Variants in ASTN2 observed in about 807,000 individuals in gnomAD.
ASTN2 encodes the protein astrotactin 2.
In ASTN2, 54 loss-of-function variants were observed where a neutral mutation model predicts 139.8. That is an observed-to-expected ratio of 0.39 (90% CI 0.31 to 0.48). ASTN2 has a LOEUF of 0.48. Ranked by LOEUF, ASTN2 falls within the 20% of genes least tolerant of loss-of-function variation. The pLI, the probability that ASTN2 is intolerant of heterozygous loss-of-function variation, is 0.95. For synonymous variants in ASTN2, 756 were observed against 719.5 expected, an observed-to-expected ratio of 1.05 and a Z score of -0.81; for missense variants, 1,565 against 1,725.1, an observed-to-expected ratio of 0.91 and a Z score of 1.64.
chr9:116,918,185 T>G (rs759822698), intron 10 of ASTN2, among the ~76,000 whole-genome samples: 1 of 152,202 alleles, frequency 6.6e-6, no homozygotes, highest in East Asian at 1.9e-4. Context: ...CTTGTGTATG[T>G]CTTTATCAGT....
chr9:117,107,533 T>C (rs1829137813), intron 4 of ASTN2, among the ~76,000 whole-genome samples: 1 of 152,204 alleles, frequency 6.6e-6, no homozygotes, highest in Non-Finnish European at 1.5e-5. Context: ...ATATTTCAAA[T>C]TCATTCTGCC....
chr9:117,320,473 C>T (rs1420191027), intron 1 of ASTN2, among the ~76,000 whole-genome samples: 1 of 152,108 alleles, frequency 6.6e-6, no homozygotes, highest in Non-Finnish European at 1.5e-5. Context: ...TGCTTAGAAT[C>T]ATACTGAGGG....
At chr9:116,609,832 G>A (rs1353820092) in intron 19 of ASTN2, among the ~76,000 whole-genome samples, 1 of 152,024 alleles carries the variant, frequency 6.6e-6, no homozygotes, top group Non-Finnish European at 1.5e-5. Context: ...AAGAGAGGAA[G>A]AACAGTATAC....
chr9:116,912,753 G>A (rs2132423074), intron 10 of ASTN2, among the ~76,000 whole-genome samples: 1 of 152,252 alleles, frequency 6.6e-6, no homozygotes, highest in South Asian at 2.1e-4. Context: ...AGGCAGGGAT[G>A]TCAATTCATC....
At chr9:117,084,011 G>A (rs1828497144) in intron 5 of ASTN2, among the ~76,000 whole-genome samples, 1 of 146,276 alleles carries the variant, frequency 6.8e-6, no homozygotes, top group African/African-American at 2.5e-5. Context: ...GGTTTGGGTA[G>A]AAGTAGTCCA....
At chr9:116,611,642 T>A (rs1453025973) in intron 19 of ASTN2, 1 of 152,094 alleles carries the variant, frequency 6.6e-6, no homozygotes, top group African/African-American at 2.4e-5. Context: ...CCAATAAATT[T>A]GATAATTTAC....
At position 116,484,551 on chromosome 9, in the gene ASTN2, C is replaced by T. The variant is rs968373613; in HGVS notation, c.3497+2808G>A. 3.9e-5 allele frequency among the ~76,000 whole-genome samples: 6 copies of T among 152,276 alleles called. No homozygotes were observed. In the East Asian group the frequency reaches 9.7e-4, roughly 25 times the overall value. On this transcript the variant is annotated intron_variant, in intron 20 of 22. Coordinates refer to ENST00000313400, the MANE Select transcript of ASTN2 (RefSeq NM_001365068.1). ...AACTGACACTGGAACTATTTTAAAA[C>T]TCCAGACCGAGCTGGTCAGACTCCA...
intron 16 of ASTN2, among the ~76,000 whole-genome samples, chr9:116,715,395 C>T (rs936782084): frequency 2.0e-5 from 3 of 152,142 alleles, no homozygotes; most frequent in Admixed American, 6.5e-5. Flanking sequence ...AGAGACTTCG[C>T]CATTCCTAAA....
intron 1 of ASTN2, among the ~76,000 whole-genome samples, chr9:117,329,180 C>CTTTTTTTTTTTTTTTTTTTTTTT (rs749880987): frequency 3.6e-5 from 3 of 82,584 alleles, no homozygotes; most frequent in Admixed American, 1.3e-4. Flanking sequence ...CTTCCAAGTT[C>CTTTTTTTTTTTTTTTTTTTTTTT]TTTTTTTTTT....
intron 17 of ASTN2, among the ~76,000 whole-genome samples, chr9:116,645,074 T>C (rs1857520968): frequency 6.6e-6 from 1 of 152,172 alleles, no homozygotes; most frequent in East Asian, 1.9e-4. Context: ...AAATACTAGA[T>C]TGCCTACTTT....
intron 10 of ASTN2, among the ~76,000 whole-genome samples, chr9:116,935,542 C>G (rs1293020747): frequency 6.6e-6 from 1 of 150,814 alleles, no homozygotes; most frequent in Non-Finnish European, 1.5e-5. Flanking sequence ...TGGCATGAGC[C>G]AGAAAAGAAA....
At chr9:116,693,200 T>C (rs1324526799) in intron 16 of ASTN2, among the ~76,000 whole-genome samples, 2 of 152,308 alleles carry the variant, frequency 1.3e-5, no homozygotes, top group Admixed American at 1.3e-4. Context: ...CTAAGTACTT[T>C]ATATGCATTT....
intron 1 of ASTN2, among the ~76,000 whole-genome samples, chr9:117,305,422 C>T (rs886377971): frequency 6.6e-6 from 1 of 152,196 alleles, no homozygotes; most frequent in Admixed American, 6.5e-5. Flanking sequence ...GGCTGAAATT[C>T]CCTGCTATTT....
chr9:117,340,939 T>G (rs1449246804), intron 1 of ASTN2, among the ~76,000 whole-genome samples: 1 of 152,140 alleles, frequency 6.6e-6, no homozygotes, highest in Non-Finnish European at 1.5e-5. Context: ...CTTTGCATGG[T>G]CTTGTGCCTA....
At chr9:116,532,949 G>A (rs1851423835) in intron 19 of ASTN2, among the ~76,000 whole-genome samples, 1 of 152,092 alleles carries the variant, frequency 6.6e-6, no homozygotes, top group Non-Finnish European at 1.5e-5. Context: ...AATTACCTTG[G>A]GCAGTATGGC....
chr9:116,927,649 A>G (rs11788792), intron 10 of ASTN2, among the ~76,000 whole-genome samples: 1 of 152,298 alleles, frequency 6.6e-6, no homozygotes, highest in Non-Finnish European at 1.5e-5. Context: ...CGGACTCCCA[A>G]GGAATGGTGG....
intron 10 of ASTN2, among the ~76,000 whole-genome samples, chr9:116,948,860 T>C (rs979791536): frequency 7.9e-6 from 1 of 127,056 alleles, no homozygotes; most frequent in Non-Finnish European, 1.6e-5. Context: ...TGGCTCAATA[T>C]GGGCTCACTG....
chr9:116,444,692 C>T (rs113408927), intron 20 of ASTN2, among the ~76,000 whole-genome samples: 5 of 152,208 alleles, frequency 3.3e-5, no homozygotes, highest in African/African-American at 1.2e-4. Flanking sequence ...GGAAGGGGCC[C>T]GGTCTTGGAG....
Position 117,090,076 on chromosome 9 carries a change from A to G in ASTN2, c.1276+5968T>C, listed in dbSNP as rs571733246. On this transcript the variant is annotated intron_variant, in intron 5 of 22. Coordinates refer to ENST00000313400, the MANE Select transcript of ASTN2 (RefSeq NM_001365068.1). The stretch of plus-strand genomic sequence containing the variant: ...ATATCAATGGTTTAAGGCAGGAGTC[A>G]GCTAAGTTTCATGGGTGAAATCTGA... Among the ~76,000 whole-genome samples the G allele has an allele frequency of 2.0e-5, 3 of 152,320 alleles. No individual in the cohort carries two copies. In the South Asian group the frequency reaches 6.2e-4, roughly 32 times the overall value.
Sources: allele counts gnomAD v4.1 joint callset (sites outside exome capture counted in the v4.1 genomes callset), GRCh38; gene constraint gnomAD v4.1.1; transcripts MANE v1.5; gene names NCBI Gene and HGNC (gene_info 2026-07-23, HGNC 2026-07-21).